Variants in SPNS3 observed in about 807,000 individuals in gnomAD.
SPNS3 encodes the protein protein spinster homolog 3.
Under a neutral mutation model 54.4 loss-of-function variants are expected in SPNS3, and 51 were observed. That is an observed-to-expected ratio of 0.94 (90% CI 0.75 to 1.18). The LOEUF (loss-of-function observed/expected upper bound fraction) is 1.18. Among genes scored for constraint, SPNS3 ranks in the 50% most tolerant of loss-of-function variants. The pLI is 0.00. For missense variants in SPNS3, 669 were observed against 677.4 expected (o/e 0.99, Z 0.14); for synonymous variants, 309 against 294.7 (o/e 1.05, Z -0.50).
At chr17:4,468,585 G>A (rs945991656) in intron 8 of SPNS3, among the ~76,000 whole-genome samples, 2 of 151,998 alleles carry the variant, frequency 1.3e-5, no homozygotes, top group African/African-American at 2.4e-5. Context: ...CGGTGGCGGC[G>A]GGGGAAGACT....
chr17:4,477,140 T>A (rs1247865251), intron 8 of SPNS3, among the ~76,000 whole-genome samples: 1 of 152,214 alleles, frequency 6.6e-6, no homozygotes, highest in Non-Finnish European at 1.5e-5. Flanking sequence ...CTCTTCAACC[T>A]CACCATGCAC....
At chr17:4,442,302 C>CCGAGG (rs1597303571) in intron 2 of SPNS3, among the ~76,000 whole-genome samples, 2 of 145,928 alleles carry the variant, frequency 1.4e-5, no homozygotes, top group East Asian at 2.0e-4. Context: ...CTTTGGGAGG[C>CCGAGG]TGGGTGGATC....
At chr17:4,449,048 T>A (rs1971082785) in intron 6 of SPNS3, among the ~76,000 whole-genome samples, 187 bp from the exon 7 acceptor site, 1 of 151,998 alleles carries the variant, frequency 6.6e-6, no homozygotes, top group Non-Finnish European at 1.5e-5. Flanking sequence ...GTAACCTGAG[T>A]GTCTTCTTCT....
In SPNS3 at chr17:4,450,057, G is replaced by A. The variant is rs550850812; in HGVS notation, c.923+670G>A. Among the ~76,000 whole-genome samples, 47 of 149,776 alleles carry A rather than the reference G, an allele frequency of 3.1e-4. 1 individual carries two copies. In the South Asian group the frequency reaches 9.6e-3, roughly 31 times the overall value. ...TCCTCCTCCTGGAACCCTTCACCCC[G>A]GCCTCCTCCCTGCCTCCAGGGGCTG... On this transcript the variant is annotated intron_variant, in intron 7 of 11. Transcript: ENST00000355530.
At chr17:4,453,273 C>T (rs1971218471) in intron 8 of SPNS3, 68 bp downstream of exon 8, 1 of 1,442,594 alleles carries the variant, frequency 6.9e-7, no homozygotes, top group Non-Finnish European at 9.5e-7. Flanking sequence ...TCCACAGGCT[C>T]ATGCTGCGCC....
intron 7 of SPNS3, among the ~76,000 whole-genome samples, chr17:4,450,000 G>A (rs2144047538): frequency 6.6e-6 from 1 of 152,158 alleles, no homozygotes; most frequent in African/African-American, 2.4e-5. Flanking sequence ...GCTGAGTCAA[G>A]GACATCCTTC....
At chr17:4,462,139 A>C (rs1391739849) in intron 8 of SPNS3, among the ~76,000 whole-genome samples, 5 of 1,444 alleles carry the variant, frequency 3.5e-3, no homozygotes, top group African/African-American at 0.025. Context: ...CCATCCATCC[A>C]TCCATCCATC....
chr17:4,472,654 G>C (rs1222855930), intron 8 of SPNS3, among the ~76,000 whole-genome samples: 1 of 151,988 alleles, frequency 6.6e-6, no homozygotes, highest in African/African-American at 2.4e-5. Context: ...CTCAGTTAGG[G>C]ACTACTACTC....
At chr17:4,471,927 C>T (rs1450050542) in intron 8 of SPNS3, among the ~76,000 whole-genome samples, 1 of 151,834 alleles carries the variant, frequency 6.6e-6, no homozygotes, top group Non-Finnish European at 1.5e-5. Flanking sequence ...GGCACAATCT[C>T]AGCTCTCTGC....
Position 4,439,669 on chromosome 17 carries a change from G to A in SPNS3, c.211G>A (p.Asp71Asn). ...CCCTCTGTCTGCAGGAGTGCTGCTGGATATACAGGAGGTTTTCCAGATCAG... is the reference window on the plus strand; with the variant it reads ...CCCTCTGTCTGCAGGAGTGCTGCTGAATATACAGGAGGTTTTCCAGATCAG... ...NWFIIAGVLL[D>N]IQEVFQISDN... Residue 71 changes from aspartate to asparagine, a missense_variant, in exon 2 of 12, where the codon GAT becomes AAT. By Grantham distance (23) the Asp-to-Asn change is conservative. Coordinates refer to ENST00000355530, the MANE Select transcript of SPNS3 (RefSeq NM_182538.5). 6.2e-7 allele frequency: 1 copy of A among 1,613,214 alleles called. No individual in the cohort carries two copies. Among genetic ancestry groups the A allele is most frequent in the African/African-American group, 1.3e-5 (1 of 75,050 alleles).
At chr17:4,456,419 A>G (rs1013187458) in intron 8 of SPNS3, among the ~76,000 whole-genome samples, 1 of 152,252 alleles carries the variant, frequency 6.6e-6, no homozygotes, top group African/African-American at 2.4e-5. Flanking sequence ...GGGTCTCTGC[A>G]GAAATTCCTG....
intron 8 of SPNS3, among the ~76,000 whole-genome samples, chr17:4,473,385 T>A (rs1362658011): frequency 6.8e-6 from 1 of 147,622 alleles, no homozygotes; most frequent in East Asian, 2.1e-4. Flanking sequence ...GACACTGCTC[T>A]TCCCAGTCTT....
At chr17:4,445,980 A>T in intron 3 of SPNS3, 68 bp from the exon 4 acceptor site, 2 of 1,522,042 alleles carry the variant, frequency 1.3e-6, no homozygotes, top group South Asian at 2.5e-5. Flanking sequence ...TCCTCCGACA[A>T]ACCCTCGGGT....
intron 8 of SPNS3, among the ~76,000 whole-genome samples, chr17:4,459,797 A>G (rs1971447478): frequency 6.6e-6 from 1 of 152,230 alleles, no homozygotes; most frequent in African/African-American, 2.4e-5. Flanking sequence ...GAGAACTTAC[A>G]TTCTAGTTGA....
At chr17:4,449,681 G>T (rs1214482642) in intron 7 of SPNS3, among the ~76,000 whole-genome samples, 1 of 152,116 alleles carries the variant, frequency 6.6e-6, no homozygotes, top group Admixed American at 6.6e-5. Context: ...GGAAATGGGG[G>T]TGAGGCTTCT....
intron 2 of SPNS3, among the ~76,000 whole-genome samples, chr17:4,444,480 C>T (rs1970930597): frequency 6.6e-6 from 1 of 152,062 alleles, no homozygotes; most frequent in African/African-American, 2.4e-5. Flanking sequence ...GCCTCAGCCT[C>T]CCAAAGTGCT....
At chr17:4,435,193 T>C (rs1463220332) in intron 1 of SPNS3, among the ~76,000 whole-genome samples, 1 of 151,838 alleles carries the variant, frequency 6.6e-6, no homozygotes, top group Non-Finnish European at 1.5e-5. Flanking sequence ...GAGGCCAAGG[T>C]GGGCGGATCA....
intron 2 of SPNS3, 106 bp downstream of exon 2, chr17:4,439,829 T>G: frequency 9.5e-7 from 1 of 1,047,856 alleles, no homozygotes; most frequent in South Asian, 1.4e-5. Context: ...CTGGGTCCCC[T>G]GGCACAGAGG....
At chr17:4,474,516 G>A (rs1030768263) in intron 8 of SPNS3, among the ~76,000 whole-genome samples, 1 of 152,060 alleles carries the variant, frequency 6.6e-6, no homozygotes, top group Admixed American at 6.6e-5. Context: ...GTCAGTTACC[G>A]CCCAGTTGGA....
Sources: allele counts gnomAD v4.1 joint callset (sites outside exome capture counted in the v4.1 genomes callset), GRCh38; gene constraint gnomAD v4.1.1; transcripts MANE v1.5; gene names NCBI Gene and HGNC (gene_info 2026-07-23, HGNC 2026-07-21).